Variants in GPC6 observed in about 807,000 individuals in gnomAD.
The protein encoded by GPC6 is glypican 6, also known as glypican-6.
Under a neutral mutation model 55.2 loss-of-function variants are expected in GPC6, and 14 were observed. The observed-to-expected ratio is 0.25, with a 90% confidence interval of 0.17 to 0.40. GPC6 has a LOEUF of 0.40. Among genes scored for constraint, GPC6 ranks in the 10% least tolerant of loss-of-function variants. The pLI is 1.00. For synonymous variants in GPC6, 278 were observed against 259.6 expected, an observed-to-expected ratio of 1.07 and a Z score of -0.68; for missense variants, 641 against 708.5, an observed-to-expected ratio of 0.90 and a Z score of 1.08.
At chr13:94,373,532 T>G (rs1322506884) in intron 6 of GPC6, among the ~76,000 whole-genome samples, 1 of 152,024 alleles carries the variant, frequency 6.6e-6, no homozygotes, top group Non-Finnish European at 1.5e-5. Flanking sequence ...TAAAAAGAAA[T>G]GATCAAAGCC....
At chr13:93,983,341 C>G (rs1449234293) in intron 3 of GPC6, among the ~76,000 whole-genome samples, 1 of 152,168 alleles carries the variant, frequency 6.6e-6, no homozygotes, top group East Asian at 1.9e-4. Context: ...GTAGTTGATG[C>G]TGAGGGTTGA....
intron 2 of GPC6, among the ~76,000 whole-genome samples, chr13:93,562,167 T>C (rs183108006): frequency 6.6e-6 from 1 of 152,136 alleles, no homozygotes; most frequent in East Asian, 1.9e-4. Flanking sequence ...TGATGCATAA[T>C]AAAATGAAGA....
chr13:93,426,399 A>G (rs909565021), intron 1 of GPC6, among the ~76,000 whole-genome samples: 6 of 96,656 alleles, frequency 6.2e-5, no homozygotes, highest in Non-Finnish European at 7.9e-5. Context: ...CCCCCACCCC[A>G]CAACAGTCCC....
At chr13:93,879,509 A>G (rs1222938927) in intron 3 of GPC6, among the ~76,000 whole-genome samples, 1 of 152,088 alleles carries the variant, frequency 6.6e-6, no homozygotes, top group East Asian at 1.9e-4. Context: ...TTGGCTAGCC[A>G]TATGTAGAAA....
At chr13:93,696,733 C>T (rs1008290247) in intron 2 of GPC6, among the ~76,000 whole-genome samples, 1 of 151,676 alleles carries the variant, frequency 6.6e-6, no homozygotes, top group Non-Finnish European at 1.5e-5. Context: ...AATGATTCTC[C>T]TGCCTCAGCC....
At chr13:93,882,397 A>T (rs9516310) in intron 3 of GPC6, among the ~76,000 whole-genome samples, 3,157 of 152,004 alleles carry the variant, frequency 0.021, 36 homozygotes, top group Non-Finnish European at 0.03. Flanking sequence ...CCCACCCCTC[A>T]GGCTCCCAAA....
intron 8 of GPC6, among the ~76,000 whole-genome samples, chr13:94,400,101 A>G (rs937373810): frequency 5.9e-5 from 9 of 152,186 alleles, no homozygotes; most frequent in African/African-American, 2.2e-4. Flanking sequence ...ATCTTACTCC[A>G]TTTCCCCTCA....
intron 3 of GPC6, among the ~76,000 whole-genome samples, chr13:94,024,959 A>G (rs925970014): frequency 7.9e-5 from 12 of 152,212 alleles, no homozygotes; most frequent in African/African-American, 2.9e-4. Flanking sequence ...TCATTGTAAT[A>G]CCTTATATGA....
chr13:93,392,380 G>A (rs1055409537), intron 1 of GPC6, among the ~76,000 whole-genome samples: 2 of 152,270 alleles, frequency 1.3e-5, no homozygotes, highest in South Asian at 2.1e-4. Flanking sequence ...ACTCCATCCT[G>A]CCTTTTCTTA....
chr13:93,288,193 A>C (rs1323383644), intron 1 of GPC6, among the ~76,000 whole-genome samples: 1 of 152,188 alleles, frequency 6.6e-6, no homozygotes, highest in Non-Finnish European at 1.5e-5. Context: ...AAATAAGACA[A>C]TCAAAACCAT....
intron 1 of GPC6, among the ~76,000 whole-genome samples, chr13:93,240,470 T>C (rs1876392347): frequency 6.6e-6 from 1 of 152,094 alleles, no homozygotes; most frequent in African/African-American, 2.4e-5. Flanking sequence ...CTGCTCATTT[T>C]TGGATGCCAT....
chr13:93,422,226 A>T (rs1489575312), intron 1 of GPC6, among the ~76,000 whole-genome samples: 2 of 152,152 alleles, frequency 1.3e-5, no homozygotes, highest in African/African-American at 4.8e-5. Flanking sequence ...AAAGTCTTCT[A>T]AGCAACACCC....
At chr13:93,512,803 A>G (rs75695596) in intron 1 of GPC6, among the ~76,000 whole-genome samples, 1,558 of 152,200 alleles carry the variant, frequency 0.01, 30 homozygotes, top group African/African-American at 0.036. Flanking sequence ...TGTTTCAAAA[A>G]TTGGCATTAT....
At chr13:93,679,014 T>C (rs555074596) in intron 2 of GPC6, among the ~76,000 whole-genome samples, 1 of 152,272 alleles carries the variant, frequency 6.6e-6, no homozygotes, top group African/African-American at 2.4e-5. Context: ...TACATTCTCC[T>C]GAAGAGCTCT....
At chr13:93,542,983 G>A (rs897072557) in intron 1 of GPC6, among the ~76,000 whole-genome samples, 7 of 152,154 alleles carry the variant, frequency 4.6e-5, no homozygotes, top group African/African-American at 1.7e-4. Flanking sequence ...GGGACAATTT[G>A]ACTTCCTCTT....
intron 6 of GPC6, among the ~76,000 whole-genome samples, chr13:94,339,795 C>CTTTT (rs1877934663): frequency 1.6e-5 from 1 of 64,164 alleles, no homozygotes; most frequent in Non-Finnish European, 2.7e-5. Flanking sequence ...CAGAGTTTTG[C>CTTTT]TCTTGTTGCC....
chr13:93,508,721 T>A (rs1444408135), intron 1 of GPC6, among the ~76,000 whole-genome samples: 3 of 152,212 alleles, frequency 2.0e-5, no homozygotes, highest in Admixed American at 2.0e-4. Context: ...GGTATTGTCT[T>A]CCTAGGCATC....
At chr13:93,587,470 G>T (rs1419278171) in intron 2 of GPC6, among the ~76,000 whole-genome samples, 1 of 152,004 alleles carries the variant, frequency 6.6e-6, no homozygotes, top group Admixed American at 6.6e-5. Flanking sequence ...CATATTTTTG[G>T]TGGGAAATCA....
intron 2 of GPC6, among the ~76,000 whole-genome samples, chr13:93,699,168 A>G (rs997897552): frequency 6.6e-6 from 1 of 152,140 alleles, no homozygotes; most frequent in Non-Finnish European, 1.5e-5. Flanking sequence ...CCTATGCATG[A>G]GAAACTACTG....
Sources: allele counts gnomAD v4.1 joint callset (sites outside exome capture counted in the v4.1 genomes callset), GRCh38; gene constraint gnomAD v4.1.1; transcripts MANE v1.5; gene names NCBI Gene and HGNC (gene_info 2026-07-23, HGNC 2026-07-21).